NRXN3: variants seen among roughly 807,000 people sequenced by gnomAD.
The protein encoded by NRXN3 is neurexin 3.
Under a neutral mutation model 137.6 loss-of-function variants are expected in NRXN3, and 32 were observed. The ratio of observed to expected loss-of-function variants is 0.23; its 90% CI spans 0.18 to 0.31. The LOEUF is 0.31. Among genes scored for constraint, NRXN3 ranks in the 10% least tolerant of loss-of-function variants. NRXN3 has a pLI of 1.00. For missense variants in NRXN3, 1,574 were observed against 2,062.5 expected (o/e 0.76, Z 4.59); for synonymous variants, 798 against 784.5 (o/e 1.02, Z -0.29).
rs566062038 is a variant in NRXN3 at position 79,408,230 on chromosome 14, AT to A, written c.3263-58990del. 6.6e-5 allele frequency among the ~76,000 whole-genome samples: 10 copies of A among 152,272 alleles called. No individual in the cohort carries two copies. In the South Asian group the frequency reaches 1.9e-3, roughly 28 times the overall value. On this transcript the variant is annotated intron_variant, in intron 15 of 20. Coordinates refer to ENST00000335750, the MANE Select transcript of NRXN3 (RefSeq NM_001330195.2). ...CTCTTTTGATATGATGCAGTTTAAC[AT>A]ACTCAAAAGAGTTGAGCCTTATCCC...
At chr14:78,468,557 T>C (rs2095181855) in intron 4 of NRXN3, among the ~76,000 whole-genome samples, 1 of 152,150 alleles carries the variant, frequency 6.6e-6, no homozygotes, top group Non-Finnish European at 1.5e-5. Flanking sequence ...TTAGGCCTCA[T>C]GTTAGAGCTG....
At chr14:79,385,170 A>C (rs2094571908) in intron 15 of NRXN3, among the ~76,000 whole-genome samples, 1 of 144,862 alleles carries the variant, frequency 6.9e-6, no homozygotes, top group Non-Finnish European at 1.5e-5. Flanking sequence ...CTAACTCGTC[A>C]TCTAGCATTA....
intron 8 of NRXN3, among the ~76,000 whole-genome samples, chr14:78,721,839 C>T (rs1287039533): frequency 2.0e-5 from 3 of 151,862 alleles, no homozygotes; most frequent in Admixed American, 6.6e-5. Flanking sequence ...ATCAAACTGT[C>T]TCCTTTTTTT....
At chr14:79,700,242 G>A (rs1286361454) in intron 19 of NRXN3, among the ~76,000 whole-genome samples, 1 of 151,952 alleles carries the variant, frequency 6.6e-6, no homozygotes, top group Non-Finnish European at 1.5e-5. Flanking sequence ...GCATTAATAT[G>A]CCTATGTGAC....
chr14:78,875,779 TG>T (rs1484640426), intron 10 of NRXN3, among the ~76,000 whole-genome samples: 3 of 152,208 alleles, frequency 2.0e-5, no homozygotes, highest in Non-Finnish European at 4.4e-5. Flanking sequence ...TTCACGCAGT[TG>T]TAGCATTCAT....
intron 8 of NRXN3, among the ~76,000 whole-genome samples, chr14:78,768,129 CAAAG>C (rs962455969): frequency 7.2e-6 from 1 of 139,418 alleles, no homozygotes; most frequent in Non-Finnish European, 1.6e-5. Context: ...GTTAACCCAA[CAAAG>C]AGAGACTACA....
At chr14:79,132,400 G>A (rs1348158838) in intron 15 of NRXN3, among the ~76,000 whole-genome samples, 1 of 152,136 alleles carries the variant, frequency 6.6e-6, no homozygotes. Flanking sequence ...AAATTTTGAA[G>A]ACTTCATATG....
chr14:78,346,183 T>C (rs214021), intron 4 of NRXN3, among the ~76,000 whole-genome samples: 115,107 of 152,116 alleles, frequency 0.76, 46,626 homozygotes, highest in Non-Finnish European at 0.9. Flanking sequence ...CAGAAGGCCC[T>C]ACAACCTCTG....
intron 15 of NRXN3, among the ~76,000 whole-genome samples, chr14:79,079,223 A>C (rs1389685821): frequency 6.6e-6 from 1 of 152,142 alleles, no homozygotes; most frequent in Non-Finnish European, 1.5e-5. Context: ...TTACTAAAGC[A>C]AAGATAACTG....
Position 79,697,787 on chromosome 14 carries a change from A to G in NRXN3, c.3864A>G (p.Gly1288=). The stretch of plus-strand genomic sequence containing the variant: ...ACAACCCCAATATTAAAATCAATGG[A>G]AGTGTTCGGCTGGTTGGAGAAGTCC... The part of the protein sequence containing the change: ...AENNPNIKIN[G]SVRLVGEVPS... The change falls in exon 19 of 21, where the codon GGA becomes GGG. Residue 1288 remains glycine (G), a synonymous_variant. Coordinates refer to ENST00000335750, the MANE Select transcript of NRXN3 (RefSeq NM_001330195.2). 1 of 1,613,142 alleles carries G rather than the reference A, an allele frequency of 6.2e-7. No homozygotes were observed. Among genetic ancestry groups the G allele is most frequent in the Non-Finnish European group, 8.5e-7 (1 of 1,179,456 alleles).
intron 4 of NRXN3, among the ~76,000 whole-genome samples, chr14:78,464,336 G>A (rs1256231481): frequency 2.6e-5 from 4 of 152,194 alleles, no homozygotes; most frequent in African/African-American, 4.8e-5. Context: ...GATTATAGGC[G>A]TTAGCCACTG....
intron 8 of NRXN3, among the ~76,000 whole-genome samples, chr14:78,752,934 G>A (rs1282155430): frequency 6.6e-6 from 1 of 152,188 alleles, no homozygotes; most frequent in African/African-American, 2.4e-5. Context: ...TGTCATCCAG[G>A]TGCCAGCTGC....
intron 15 of NRXN3, among the ~76,000 whole-genome samples, chr14:79,010,448 T>C (rs1387179861): frequency 6.6e-6 from 1 of 152,176 alleles, no homozygotes; most frequent in African/African-American, 2.4e-5. Flanking sequence ...TCCATATGAG[T>C]GTAACTCATA....
At chr14:78,201,957 G>T (rs2061722677) in intron 1 of NRXN3, among the ~76,000 whole-genome samples, 1 of 152,256 alleles carries the variant, frequency 6.6e-6, no homozygotes, top group African/African-American at 2.4e-5. Flanking sequence ...GCGGAAATTG[G>T]CTACAGCGAC....
Position 79,122,144 on chromosome 14 carries a change from G to A in NRXN3, c.3262+134003G>A, listed in dbSNP as rs74066651. Among the ~76,000 whole-genome samples, 1,191 of 152,308 alleles carry A rather than the reference G, an allele frequency of 7.8e-3. 17 individuals are homozygous for A. Among genetic ancestry groups the A allele is most frequent in the African/African-American group, 0.027 (1,128 of 41,576 alleles). On this transcript the variant is annotated intron_variant, in intron 15 of 20. Transcript: ENST00000335750. The stretch of plus-strand genomic sequence containing the variant: ...TTGACCACGAATAGCTGACAAATAT[G>A]TGCAGGTGGTCATGCACAGAAGCAG...
intron 15 of NRXN3, among the ~76,000 whole-genome samples, chr14:79,092,501 A>AC (rs2049400556): frequency 6.6e-6 from 1 of 152,154 alleles, no homozygotes; most frequent in Non-Finnish European, 1.5e-5. Context: ...ACACACACAC[A>AC]CCCTTGCCCT....
intron 4 of NRXN3, among the ~76,000 whole-genome samples, chr14:78,369,851 A>G (rs2086541076): frequency 6.6e-6 from 1 of 151,788 alleles, no homozygotes; most frequent in African/African-American, 2.4e-5. Context: ...GACACTGTGG[A>G]AAAAGTGAAA....
At chr14:78,526,810 T>G (rs1336851317) in intron 4 of NRXN3, 1 of 513,248 alleles carries the variant, frequency 1.9e-6, no homozygotes, top group Non-Finnish European at 3.9e-6. Flanking sequence ...ATGAATAAAG[T>G]CTGTGGAAGA....
At chr14:78,731,683 A>G (rs2098516415) in intron 8 of NRXN3, among the ~76,000 whole-genome samples, 1 of 151,456 alleles carries the variant, frequency 6.6e-6, no homozygotes, top group South Asian at 2.1e-4. Context: ...TTGTGAATAC[A>G]TATATTCTAT....
Sources: allele counts gnomAD v4.1 joint callset (sites outside exome capture counted in the v4.1 genomes callset), GRCh38; gene constraint gnomAD v4.1.1; transcripts MANE v1.5; gene names NCBI Gene and HGNC (gene_info 2026-07-23, HGNC 2026-07-21).